The following ASS1 variants were observed in gnomAD, a reference collection of about 807,000 sequenced individuals.
ASS1 encodes the protein argininosuccinate synthase 1, also known as argininosuccinate synthase.
A neutral mutation model predicts 60.5 loss-of-function variants in ASS1; 58 were observed. The ratio of observed to expected loss-of-function variants is 0.96; its 90% confidence interval spans 0.78 to 1.19. The LOEUF (loss-of-function observed/expected upper bound fraction) is 1.19. Ranked by LOEUF, ASS1 falls within the 50% of genes most tolerant of loss-of-function variation. The pLI, the probability that ASS1 is intolerant of heterozygous loss-of-function variation, is 0.00. For missense variants in ASS1, 454 were observed against 547.3 expected (o/e 0.83, Z 1.70); for synonymous variants, 200 against 206.9 (o/e 0.97, Z 0.29).
chr9:130,471,604 A>C, intron 8 of ASS1, 89 bp downstream of exon 8: 2 of 1,492,670 alleles, frequency 1.3e-6, no homozygotes, highest in Non-Finnish European at 1.9e-6. Flanking sequence ...TTATAGCCTA[A>C]TTTGAAATTT....
At chr9:130,490,143 G>A (rs1369096026) in intron 12 of ASS1, among the ~76,000 whole-genome samples, 1 of 152,224 alleles carries the variant, frequency 6.6e-6, no homozygotes, top group African/African-American at 2.4e-5. Flanking sequence ...TGCAGGTGAG[G>A]AGCCCGGGTT....
intron 4 of ASS1, among the ~76,000 whole-genome samples, chr9:130,462,057 C>T (rs558063034): frequency 1.8e-4 from 27 of 152,254 alleles, no homozygotes; most frequent in Non-Finnish European, 2.6e-4. Flanking sequence ...GAAATTGAGC[C>T]GCACTCTCCC....
At chr9:130,498,510 T>C (rs1846658491) in intron 13 of ASS1, among the ~76,000 whole-genome samples, 1 of 152,222 alleles carries the variant, frequency 6.6e-6, no homozygotes, top group African/African-American at 2.4e-5. Context: ...TGCTCTTCCT[T>C]CCTTGGCACC....
In ASS1 at chr9:130,477,030, C is replaced by A. The variant is rs1168517574; in HGVS notation, c.688+69C>A. ...GGCCCTGGCTCCTTTCCCCTCCCTG[C>A]CTGGGAACCTAGGCCCTCTTTACCC... On this transcript the variant is annotated intron_variant, in intron 9 of 14. Transcript: ENST00000352480. The surrounding 1 kb of genome is among the most constrained non-coding windows in gnomAD (Gnocchi z 4.2). 1.3e-6 allele frequency: 2 copies of A among 1,499,414 alleles called. No homozygotes were observed. The highest frequency in any genetic ancestry group is 1.9e-6 in the Non-Finnish European group (2 of 1,077,752). The allele number at this position is 1,499,414 out of a possible 1,614,324, so 92.9% of individuals were successfully genotyped here. A position where few individuals can be genotyped will look rare whatever the true frequency, so the allele number is the denominator to read the frequency against.
intron 5 of ASS1, 96 bp from the exon 6 acceptor site, chr9:130,466,629 T>A: frequency 8.4e-7 from 1 of 1,192,992 alleles, no homozygotes; most frequent in Non-Finnish European, 1.2e-6. Flanking sequence ...GAGACCCCCA[T>A]GGGCCCCTCC....
chr9:130,476,848 C>T lies in ASS1; in HGVS notation c.598-23C>T. ...TCCAGGGACTGGTATGTCATCTGCC[C>T]ACCACTTTCTGTCTTTTTTCAGAAC... On this transcript the variant is annotated intron_variant, in intron 8 of 14. Coordinates refer to ENST00000352480, the MANE Select transcript of ASS1 (RefSeq NM_054012.4). This position sits in a 1 kb window ranked among gnomAD's most constrained non-coding sequence, Gnocchi z 4.9. The T allele has an allele frequency of 6.2e-7, 1 of 1,605,082 alleles. No homozygotes were observed. Among genetic ancestry groups the T allele is most frequent in the Non-Finnish European group, 8.5e-7 (1 of 1,172,086 alleles).
chr9:130,464,278 C>T (rs978092577), intron 5 of ASS1, 111 bp downstream of exon 5: 25 of 1,365,650 alleles, frequency 1.8e-5, no homozygotes, highest in African/African-American at 5.7e-5. Context: ...GAATCTCCTC[C>T]GTGGCAGGGG....
rs369560458 is a variant in ASS1, at chr9:130,479,838, G to A, written c.773+38G>A. 47 of 1,586,140 alleles carry A rather than the reference G, an allele frequency of 3.0e-5. No individual in the cohort carries two copies. In the East Asian group the frequency reaches 4.2e-4, roughly 14 times the overall value. Reference sequence around the variant, plus strand: ...AGCCCTGTCCGGCCTCTTGGGAACCGCCGTCTCGGGCGAGCACGAGCCTGG... The same window carrying A: ...AGCCCTGTCCGGCCTCTTGGGAACCACCGTCTCGGGCGAGCACGAGCCTGG... On this transcript the variant is annotated intron_variant, in intron 10 of 14. Coordinates refer to ENST00000352480, the MANE Select transcript of ASS1 (RefSeq NM_054012.4).
chr9:130,450,281 C>T, intron 1 of ASS1: 10 of 988,168 alleles, frequency 1.0e-5, no homozygotes, highest in Non-Finnish European at 9.6e-6. Context: ...GAGTGGTTCA[C>T]TGCACTGTGA....
intron 1 of ASS1, among the ~76,000 whole-genome samples, chr9:130,449,617 G>T (rs114453503): frequency 6.6e-6 from 1 of 152,078 alleles, no homozygotes; most frequent in African/African-American, 2.4e-5. Context: ...TGAGCAGGGG[G>T]TTAAGGAGCC....
chr9:130,458,885 T>C (rs903202999), intron 4 of ASS1, among the ~76,000 whole-genome samples: 2 of 152,220 alleles, frequency 1.3e-5, no homozygotes, highest in African/African-American at 2.4e-5. Flanking sequence ...CAAGGTCGCA[T>C]TGGCCAAGGT....
rs1416244911 is a variant in ASS1, at chr9:130,451,991, C to T, written c.-5-233C>T. Reference sequence around the variant, plus strand: ...TCCCCGACCAGCCTAGGACTGCAGTCAGCATTCCCAGGCCCCAGTGTGGTC... The same window carrying T: ...TCCCCGACCAGCCTAGGACTGCAGTTAGCATTCCCAGGCCCCAGTGTGGTC... On this transcript the variant is annotated intron_variant, in intron 1 of 14. Coordinates refer to ENST00000352480, the MANE Select transcript of ASS1 (RefSeq NM_054012.4). 4 of 665,602 alleles carry T rather than the reference C, an allele frequency of 6.0e-6. No individual in the cohort carries two copies. The South Asian group carries it at 6.0e-5, about 10-fold the overall frequency. The allele number at this position is 665,602 out of a possible 1,614,324, so 41.2% of individuals were successfully genotyped here.
At chr9:130,466,906 C>G (rs1244770447) in intron 6 of ASS1, 107 bp downstream of exon 6, 10 of 1,291,168 alleles carry the variant, frequency 7.7e-6, no homozygotes, top group Non-Finnish European at 1.1e-5. Context: ...GGGACTGACC[C>G]CATGTGATGG....
chr9:130,461,567 T>A lies in ASS1; in HGVS notation c.364-2544T>A, dbSNP rs113677536. 8.3e-4 allele frequency among the ~76,000 whole-genome samples: 126 copies of A among 152,032 alleles called. 1 individual carries two copies. Among genetic ancestry groups the A allele is most frequent in the African/African-American group, 2.8e-3 (116 of 41,456 alleles). On this transcript the variant is annotated intron_variant, in intron 4 of 14. Coordinates refer to ENST00000352480, the MANE Select transcript of ASS1 (RefSeq NM_054012.4). Reference sequence around the variant, plus strand: ...GACGGACTCCGGGGATGCCGGGGAGTAGGTGCTACCTGGCACAGCCACCTC... The same window carrying A: ...GACGGACTCCGGGGATGCCGGGGAGAAGGTGCTACCTGGCACAGCCACCTC...
intron 6 of ASS1, among the ~76,000 whole-genome samples, chr9:130,468,881 T>TTTTG (rs1165613257): frequency 6.6e-6 from 1 of 152,170 alleles, no homozygotes; most frequent in East Asian, 1.9e-4. Context: ...GATCGTTTTG[T>TTTTG]TTTTTCTCCT....
intron 11 of ASS1, among the ~76,000 whole-genome samples, chr9:130,484,778 G>A (rs1208697101): frequency 6.7e-6 from 1 of 150,284 alleles, no homozygotes; most frequent in Admixed American, 6.7e-5. Flanking sequence ...CCTGTGGAGA[G>A]GAGAGGGAAG....
At chr9:130,487,520 G>A (rs1241079539) in intron 11 of ASS1, among the ~76,000 whole-genome samples, 1 of 151,912 alleles carries the variant, frequency 6.6e-6, no homozygotes, top group Non-Finnish European at 1.5e-5. Context: ...CTGTGCCACT[G>A]TGACTACCGT....
At chr9:130,473,145 C>T (rs1337795567) in intron 8 of ASS1, among the ~76,000 whole-genome samples, 3 of 152,220 alleles carry the variant, frequency 2.0e-5, no homozygotes, top group Admixed American at 2.0e-4. Flanking sequence ...CTCACCCACA[C>T]TTGGGTCCCA....
chr9:130,465,912 C>T (rs989426358), intron 5 of ASS1, among the ~76,000 whole-genome samples: 2 of 152,154 alleles, frequency 1.3e-5, no homozygotes, highest in African/African-American at 4.8e-5. Context: ...TGTCCAGTTT[C>T]GAGGTCTTTG....
Sources: gnomAD v4.1 joint callset for allele counts (sites outside exome capture counted in the v4.1 genomes callset) on GRCh38, gnomAD v4.1.1 for gene constraint, Gnocchi (gnomAD v3.1) non-coding constraint, MANE v1.5 for transcripts, NCBI Gene and HGNC (gene_info 2026-07-23, HGNC 2026-07-21) for gene names.